AP5B1: variants seen among roughly 807,000 people sequenced by gnomAD.
AP5B1 encodes adaptor related protein complex 5 subunit beta 1.
A neutral mutation model predicts 5.7 loss-of-function variants in AP5B1; 3 were observed. The observed-to-expected ratio is 0.53, with a 90% CI of 0.24 to 1.36. AP5B1 has a LOEUF of 1.36. Among genes scored for constraint, AP5B1 ranks in the 40% most tolerant of loss-of-function variants. AP5B1 has a pLI of 0.17. For synonymous variants in AP5B1, 696 were observed against 555.5 expected, an observed-to-expected ratio of 1.25 and a Z score of -3.56; for missense variants, 1,310 against 1,143.2, an observed-to-expected ratio of 1.15 and a Z score of -2.10.
In AP5B1 at chr11:65,779,615, A is replaced by G. The variant is rs1384395357; in HGVS notation, c.878T>C (p.Leu293Pro). 6.2e-7 allele frequency: 1 copy of G among 1,607,120 alleles called. No homozygotes were observed. The highest frequency in any genetic ancestry group is 1.3e-5 in the African/African-American group (1 of 74,788). The change falls in exon 2 of 2, where the codon CTG becomes CCG. Residue 293 changes from leucine (L) to proline (P), a missense_variant. Transcript: ENST00000532090. Reference protein sequence around the residue: ...PVAQAQLLWLLGWALRGLQGQ... With the variant: ...PVAQAQLLWLPGWALRGLQGQ... ...CTGCAGACCCCGCAGGGCCCAGCCC[A>G]GCAGCCACAGGAGCTGGGCCTGGGC...
rs752166571 is a variant in AP5B1 at position 65,779,751 on chromosome 11, C to G, written c.742G>C (p.Gly248Arg). 1.3e-6 allele frequency: 2 copies of G among 1,592,698 alleles called. No individual in the cohort carries two copies. The highest frequency in any genetic ancestry group is 1.7e-6 in the Non-Finnish European group (2 of 1,169,134). The stretch of plus-strand genomic sequence containing the variant: ...GCTGTAAGGCTACGCTCCCCCTCTC[C>G]CTCCTCAGCTGCCGGCCAGCTGGGT... ...QAPSWPAAEEGEGERSLTARE... is the reference protein window; with the variant it reads ...QAPSWPAAEEREGERSLTARE... Residue 248 changes from glycine (G) to arginine (R), a missense_variant, in exon 2 of 2, where the codon GGA becomes CGA. Transcript: ENST00000532090.
rs1428475163 is a variant in AP5B1, at chr11:65,774,469, T to C, written c.*3387A>G. On this transcript the variant is annotated 3_prime_UTR_variant, in exon 2 of 2. Coordinates refer to ENST00000532090, the MANE Select transcript of AP5B1 (RefSeq NM_138368.5). ...CTCTGTCATCCAGGCTGGAGTGTAG[T>C]GGCCCAATCTCAGTTCACTGCAACC... Among the ~76,000 whole-genome samples, 4 of 152,194 alleles carry C rather than the reference T, an allele frequency of 2.6e-5. No individual in the cohort carries two copies. The highest frequency in any genetic ancestry group is 5.9e-5 in the Non-Finnish European group (4 of 68,032).
chr11:65,778,607 AC>A lies in AP5B1; in HGVS notation c.1885del (p.Val629TrpfsTer27), dbSNP rs35838733. 2 of 1,594,602 alleles carry A rather than the reference AC, an allele frequency of 1.3e-6. No homozygotes were observed. On this transcript the variant is annotated frameshift_variant, in exon 2 of 2. Coordinates refer to ENST00000532090, the MANE Select transcript of AP5B1 (RefSeq NM_138368.5). LOFTEE classifies it low-confidence loss of function (END_TRUNC). The part of the protein sequence containing the change: ...LAHLAAPKLG[V>X]ALGPSLAAPA... ...TGCGGCAAGCGAGGGGCCCAGGGCC[AC>A]CCCCAACTTGGGTGCTGCCAGGTGT...
At position 65,775,082 on chromosome 11, in the gene AP5B1, G is replaced by A. The variant is rs541231917; in HGVS notation, c.*2774C>T. Among the ~76,000 whole-genome samples, 6 of 152,282 alleles carry A rather than the reference G, an allele frequency of 3.9e-5. No homozygotes were observed. In the East Asian group the frequency reaches 9.6e-4, roughly 24 times the overall value. Reference sequence around the variant, plus strand: ...TTTTACTCCAACATTGCTTAGCCAAGCTAAGCACATGCATTCCCTATGATT... The same window carrying A: ...TTTTACTCCAACATTGCTTAGCCAAACTAAGCACATGCATTCCCTATGATT... On this transcript the variant is annotated 3_prime_UTR_variant, in exon 2 of 2. Transcript: ENST00000532090.
In AP5B1 at chr11:65,780,370, G is replaced by C. The variant is rs746903723; in HGVS notation, c.151-28C>G. On this transcript the variant is annotated intron_variant, in intron 1 of 1. Transcript: ENST00000532090. ...GGATGGGGGATTAGGAGGGAATCAC[G>C]AAGATGAGGTTCATGACGCGGCGGG... The C allele has an allele frequency of 2.7e-6, 4 of 1,462,122 alleles. No individual in the cohort carries two copies. The African/African-American group carries it at 4.4e-5, about 16-fold the overall frequency. The allele number at this position is 1,462,122 out of a possible 1,614,324, so 90.6% of individuals were successfully genotyped here.
Position 65,774,800 on chromosome 11 carries a change from C to T in AP5B1, c.*3056G>A, listed in dbSNP as rs563579802. ...AGGAAGGGTATGTGAACATGAGCAA[C>T]GTCCACACAGGTGGACAAGGTGACC... On this transcript the variant is annotated 3_prime_UTR_variant, in exon 2 of 2. Transcript: ENST00000532090. Among the ~76,000 whole-genome samples, 53 of 152,360 alleles carry T rather than the reference C, an allele frequency of 3.5e-4. No individual in the cohort carries two copies. In the East Asian group the frequency reaches 9.2e-3, roughly 27 times the overall value.
rs375914619 is a variant in AP5B1, at chr11:65,778,702, C to G, written c.1791G>C (p.Gln597His). 4 of 1,582,680 alleles carry G rather than the reference C, an allele frequency of 2.5e-6. No individual in the cohort carries two copies. Among genetic ancestry groups the G allele is most frequent in the Non-Finnish European group, 3.4e-6 (4 of 1,167,284 alleles). The change falls in exon 2 of 2, where the codon CAG becomes CAC. Residue 597 changes from glutamine to histidine, a missense_variant. Transcript: ENST00000532090. ...GGTCCTCCAGCTGCCTGGCCAGCACCTGCAGCAAGTCGACCAGGCCGCCCC... is the reference window on the plus strand; with the variant it reads ...GGTCCTCCAGCTGCCTGGCCAGCACGTGCAGCAAGTCGACCAGGCCGCCCC... The part of the protein sequence containing the change: ...GVRGGLVDLL[Q>H]VLARQLEDPD...
rs1857738601 is a variant in AP5B1 at position 65,774,160 on chromosome 11, A to G, written c.*3696T>C. Among the ~76,000 whole-genome samples, 1 of 152,206 alleles carries G rather than the reference A, an allele frequency of 6.6e-6. No individual in the cohort carries two copies. The highest frequency in any genetic ancestry group is 1.5e-5 in the Non-Finnish European group (1 of 68,030). On this transcript the variant is annotated 3_prime_UTR_variant, in exon 2 of 2. Transcript: ENST00000532090. ...ACCCATCAGGGCCAGGAATTGTTTT[A>G]AGTTTTTTCTGAGATTCCCTCGGCC...
chr11:65,778,747 C>T lies in AP5B1; in HGVS notation c.1746G>A (p.Ala582=), dbSNP rs768924976. Residue 582 remains alanine (A), a synonymous_variant, in exon 2 of 2, where the codon GCG becomes GCA. Transcript: ENST00000532090. ...LQQGLLRVCR[A]LLRAGVRGGL... Reference sequence around the variant, plus strand: ...CGCCCCTCACCCCTGCCCGCAGCAGCGCCCGGCAGACCCGCAGCAGGCCCT... The same window carrying T: ...CGCCCCTCACCCCTGCCCGCAGCAGTGCCCGGCAGACCCGCAGCAGGCCCT... 20 of 1,606,598 alleles carry T rather than the reference C, an allele frequency of 1.2e-5. No individual in the cohort carries two copies. The highest frequency in any genetic ancestry group is 1.0e-4 in the Admixed American group (6 of 59,450).
At position 65,778,066 on chromosome 11, in the gene AP5B1, G is replaced by C. The variant is rs751208894; in HGVS notation, c.2427C>G (p.Gly809=). Residue 809 remains glycine (G), a synonymous_variant, in exon 2 of 2, where the codon GGC becomes GGG. Coordinates refer to ENST00000532090, the MANE Select transcript of AP5B1 (RefSeq NM_138368.5). ...AAGGCTCCAGGTGGCGGGACACCAAGCCCTCCAGGCCCTGTGGCCCAAGTG... is the reference window on the plus strand; with the variant it reads ...AAGGCTCCAGGTGGCGGGACACCAACCCCTCCAGGCCCTGTGGCCCAAGTG... ...WCPLGPQGLE[G]LVSRHLEPFV... is the part of the protein sequence containing the mutation. 6.2e-7 allele frequency: 1 copy of C among 1,612,642 alleles called. No homozygotes were observed. The highest frequency in any genetic ancestry group is 8.5e-7 in the Non-Finnish European group (1 of 1,179,854).
Position 65,774,001 on chromosome 11 carries a change from G to A in AP5B1, c.*3855C>T, listed in dbSNP as rs1306303198. Among the ~76,000 whole-genome samples the A allele has an allele frequency of 3.9e-5, 6 of 152,280 alleles. No individual in the cohort carries two copies. Among genetic ancestry groups the A allele is most frequent in the African/African-American group, 1.4e-4 (6 of 41,546 alleles). ...CTTGCTTGGCATGGCCTTAGGTCCT[G>A]TTTACAATTTGGTATCTTATTGCCA... On this transcript the variant is annotated 3_prime_UTR_variant, in exon 2 of 2. Coordinates refer to ENST00000532090, the MANE Select transcript of AP5B1 (RefSeq NM_138368.5).
Position 65,779,637 on chromosome 11 carries a change from G to A in AP5B1, c.856C>T (p.Gln286Ter). ...CCCAGCAGCCACAGGAGCTGGGCCT[G>A]GGCCACAGGAGTGAGCAGATAGGAG... ...DTSYLLTPVA[Q>*]AQLLWLLGWA... The change falls in exon 2 of 2, where the codon CAG (glutamine) becomes TAG (stop). Residue 286 changes from glutamine to a stop codon, truncating the protein, a stop_gained. Transcript: ENST00000532090. LOFTEE classifies it low-confidence loss of function (END_TRUNC). 1 of 1,610,640 alleles carries A rather than the reference G, an allele frequency of 6.2e-7. No homozygotes were observed. Among genetic ancestry groups the A allele is most frequent in the African/African-American group, 1.3e-5 (1 of 74,988 alleles).
chr11:65,779,346 G>A lies in AP5B1; in HGVS notation c.1147C>T (p.Pro383Ser), dbSNP rs900050898. 2 of 1,593,630 alleles carry A rather than the reference G, an allele frequency of 1.3e-6. No individual in the cohort carries two copies. Among genetic ancestry groups the A allele is most frequent in the Non-Finnish European group, 1.7e-6 (2 of 1,169,020 alleles). Residue 383 changes from proline (P) to serine (S), a missense_variant, in exon 2 of 2, where the codon CCT becomes TCT. By Grantham distance (74) the Pro-to-Ser change is moderately conservative (BLOSUM62 -1). Coordinates refer to ENST00000532090, the MANE Select transcript of AP5B1 (RefSeq NM_138368.5). ...AGTGGGGCAGCCTCCTCACCTTCAG[G>A]GCCCAGCGGCCAGTTCTCAGGGAAG... ...LSFPENWPLG[P>S]EGEEAAPLLL...
rs765116651 is a variant in AP5B1 at position 65,779,120 on chromosome 11, G to T, written c.1373C>A (p.Pro458His). The T allele has an allele frequency of 6.2e-7, 1 of 1,608,928 alleles. No individual in the cohort carries two copies. The highest frequency in any genetic ancestry group is 2.2e-5 in the East Asian group (1 of 44,756). ...GAAGCAGAGAGTGGCCAAGGCCCGG[G>T]GGCCCCCATCCAGGGCTGCCCGCTG... ...LRQRAALDGG[P>H]RALATLCFQA... Residue 458 changes from proline to histidine, a missense_variant, in exon 2 of 2, where the codon CCC becomes CAC. Transcript: ENST00000532090.
chr11:65,779,765 G>C lies in AP5B1; in HGVS notation c.728C>G (p.Pro243Arg), dbSNP rs770308519. 6.3e-7 allele frequency: 1 copy of C among 1,586,610 alleles called. No homozygotes were observed. Among genetic ancestry groups the C allele is most frequent in the Non-Finnish European group, 8.6e-7 (1 of 1,166,242 alleles). Residue 243 changes from proline to arginine, a missense_variant, in exon 2 of 2, where the codon CCG becomes CGG. By Grantham distance (103) the Pro-to-Arg change is moderately radical. Coordinates refer to ENST00000532090, the MANE Select transcript of AP5B1 (RefSeq NM_138368.5). Reference sequence around the variant, plus strand: ...CTCCCCCTCTCCCTCCTCAGCTGCCGGCCAGCTGGGTGCCTGGGGCTGAAG... The same window carrying C: ...CTCCCCCTCTCCCTCCTCAGCTGCCCGCCAGCTGGGTGCCTGGGGCTGAAG... ...GRLQPQAPSWPAAEEGEGERS... is the reference protein window; with the variant it reads ...GRLQPQAPSWRAAEEGEGERS...
Position 65,774,956 on chromosome 11 carries a change from A to G in AP5B1, c.*2900T>C, listed in dbSNP as rs1037451430. ...CAGCAGTGTGTGATTCTGAGGACAC[A>G]GAGGGCTGGGGTCTAGGAGCTATCT... is the stretch of plus-strand genomic sequence containing the variant. On this transcript the variant is annotated 3_prime_UTR_variant, in exon 2 of 2. Transcript: ENST00000532090. 6.6e-6 allele frequency among the ~76,000 whole-genome samples: 1 copy of G among 152,218 alleles called. No individual in the cohort carries two copies. The highest frequency in any genetic ancestry group is 2.4e-5 in the African/African-American group (1 of 41,452).
Position 65,779,689 on chromosome 11 carries a change from C to A in AP5B1, c.804G>T (p.Arg268=). Residue 268 remains arginine, a synonymous_variant, in exon 2 of 2, where the codon CGG becomes CGT. Transcript: ENST00000532090. Reference sequence around the variant, plus strand: ...TGTCCAGAAGCTGGATCACCGCAGCCCGCAGCTCCCGCGCCTCCTCAGGGC... The same window carrying A: ...TGTCCAGAAGCTGGATCACCGCAGCACGCAGCTCCCGCGCCTCCTCAGGGC... ...EHSPEEAREL[R]AAVIQLLDTS... 1 of 1,612,284 alleles carries A rather than the reference C, an allele frequency of 6.2e-7. No homozygotes were observed. The highest frequency in any genetic ancestry group is 1.3e-5 in the African/African-American group (1 of 75,052).
In AP5B1 at chr11:65,777,965, C is replaced by A. The variant is rs752231018; in HGVS notation, c.2528G>T (p.Arg843Leu). 1.3e-6 allele frequency: 2 copies of A among 1,598,340 alleles called. No homozygotes were observed. Among genetic ancestry groups the A allele is most frequent in the Non-Finnish European group, 1.7e-6 (2 of 1,173,348 alleles). ...HLPPDSKLLL[R>L]LEAALADGVP... ...TCCATCTGCCAGGGCCGCCTCCAGC[C>A]GCAGCAGCAGCTTTGAGTCCGGGGG... Residue 843 changes from arginine to leucine, a missense_variant, in exon 2 of 2, where the codon CGG becomes CTG. By Grantham distance (102) the Arg-to-Leu change is moderately radical. Transcript: ENST00000532090.
rs1315195925 is a variant in AP5B1 at position 65,777,038 on chromosome 11, T to G, written c.*818A>C. 2.0e-5 allele frequency: 3 copies of G among 152,048 alleles called. No homozygotes were observed. Among genetic ancestry groups the G allele is most frequent in the Admixed American group, 6.6e-5 (1 of 15,246 alleles). The allele number at this position is 152,048 out of a possible 1,614,324, so 9.4% of individuals were successfully genotyped here. A position where few individuals can be genotyped will look rare whatever the true frequency, so the allele number is the denominator to read the frequency against. ...CTGAGATGGGAGGATCACCTGAGCC[T>G]GAGAGGCAGAGTCTGCAATGATCCC... On this transcript the variant is annotated 3_prime_UTR_variant, in exon 2 of 2. Coordinates refer to ENST00000532090, the MANE Select transcript of AP5B1 (RefSeq NM_138368.5).
Sources: gnomAD v4.1 joint callset for allele counts (sites outside exome capture counted in the v4.1 genomes callset) on GRCh38, gnomAD v4.1.1 for gene constraint, MANE v1.5 for transcripts, NCBI Gene and HGNC (gene_info 2026-07-23, HGNC 2026-07-21) for gene names.